Variants in SCAI observed in about 807,000 individuals in gnomAD.
SCAI encodes suppressor of cancer cell invasion, also known as protein SCAI.
A neutral mutation model predicts 92.2 loss-of-function variants in SCAI; 24 were observed. That is an observed-to-expected ratio of 0.26 (90% CI 0.19 to 0.37). SCAI has a LOEUF of 0.37. SCAI is among the 10% of genes least tolerant of loss of function. The pLI, the probability that SCAI is intolerant of heterozygous loss-of-function variation, is 1.00. For missense variants in SCAI, 450 were observed against 736.2 expected (o/e 0.61, Z 4.50); for synonymous variants, 261 against 258.6 (o/e 1.01, Z -0.09).
At chr9:125,119,418 G>T (rs1835114319) in intron 2 of SCAI, among the ~76,000 whole-genome samples, 2 of 151,948 alleles carry the variant, frequency 1.3e-5, no homozygotes, top group Admixed American at 6.6e-5. Flanking sequence ...TTGATTTCTT[G>T]TTTTGTACTG....
At chr9:124,963,743 G>C (rs897942927) in intron 17 of SCAI, among the ~76,000 whole-genome samples, 1 of 109,268 alleles carries the variant, frequency 9.2e-6, no homozygotes, top group African/African-American at 3.5e-5. Context: ...GGGCAACAGA[G>C]TGAGAATCTG....
At chr9:124,977,107 G>A (rs894190659) in intron 14 of SCAI, among the ~76,000 whole-genome samples, 4 of 151,962 alleles carry the variant, frequency 2.6e-5, no homozygotes, top group Admixed American at 6.6e-5. Flanking sequence ...GAGCTCAAGC[G>A]ATCCACCCAC....
At chr9:124,979,572 T>A (rs983560297) in intron 14 of SCAI, among the ~76,000 whole-genome samples, 1 of 152,142 alleles carries the variant, frequency 6.6e-6, no homozygotes, top group African/African-American at 2.4e-5. Context: ...ACTATTTGTT[T>A]TAGTTTGTAT....
At chr9:124,997,259 CAT>C (rs1564371405) in intron 13 of SCAI, among the ~76,000 whole-genome samples, 2 of 152,198 alleles carry the variant, frequency 1.3e-5, no homozygotes, top group Non-Finnish European at 2.9e-5. Flanking sequence ...GTGCACAACA[CAT>C]AGTTTATCCA....
intron 2 of SCAI, among the ~76,000 whole-genome samples, chr9:125,071,626 C>T (rs687654): frequency 0.32 from 48,603 of 151,732 alleles, 8,187 homozygotes; most frequent in East Asian, 0.52. Context: ...CTATCAAATA[C>T]AGAAAAAGAG....
In SCAI at chr9:124,971,914, A is replaced by T. The variant is rs921741541; in HGVS notation, c.1400-70T>A. 9 of 768,960 alleles carry T rather than the reference A, an allele frequency of 1.2e-5. No homozygotes were observed. The African/African-American group carries it at 1.6e-4, about 14-fold the overall frequency. The allele number at this position is 768,960 out of a possible 1,614,324, so 47.6% of individuals were successfully genotyped here. ...AAGATAAGAGATACATATGAGGAAC[A>T]TTTTAATATACTGATAATATATAAA... On this transcript the variant is annotated intron_variant, in intron 15 of 17. Transcript: ENST00000336505.
chr9:125,075,234 A>C (rs979579874), intron 2 of SCAI, among the ~76,000 whole-genome samples: 1 of 152,190 alleles, frequency 6.6e-6, no homozygotes, highest in Admixed American at 6.5e-5. Context: ...GAACTCACAG[A>C]GGCAGAAAAT....
chr9:125,129,459 T>C (rs1835351343), intron 2 of SCAI, among the ~76,000 whole-genome samples: 2 of 80,394 alleles, frequency 2.5e-5, no homozygotes, highest in East Asian at 4.2e-4. Flanking sequence ...AATTTCTTTT[T>C]TTTTTTTTTT....
At chr9:125,129,605 A>G (rs1181781303) in intron 2 of SCAI, among the ~76,000 whole-genome samples, 1 of 150,662 alleles carries the variant, frequency 6.6e-6, no homozygotes, top group Non-Finnish European at 1.5e-5. Flanking sequence ...ATGGGATTAC[A>G]GGCACGTGCC....
intron 2 of SCAI, among the ~76,000 whole-genome samples, chr9:125,061,546 T>C (rs1833768218): frequency 6.6e-6 from 1 of 151,942 alleles, no homozygotes; most frequent in East Asian, 1.9e-4. Context: ...ATCACTTGAG[T>C]CCAGAAGTTA....
chr9:125,113,418 G>A (rs1036238459), intron 2 of SCAI, among the ~76,000 whole-genome samples: 1 of 152,124 alleles, frequency 6.6e-6, no homozygotes, highest in Non-Finnish European at 1.5e-5. Flanking sequence ...AGAGAGGTCT[G>A]AGAAACTGTA....
chr9:125,025,489 A>G (rs1832949371), intron 6 of SCAI, among the ~76,000 whole-genome samples: 1 of 152,238 alleles, frequency 6.6e-6, no homozygotes. Flanking sequence ...TTCTCTGCTT[A>G]TATGTATTTT....
At chr9:125,085,834 G>A (rs1834315356) in intron 2 of SCAI, among the ~76,000 whole-genome samples, 1 of 152,146 alleles carries the variant, frequency 6.6e-6, no homozygotes, top group Non-Finnish European at 1.5e-5. Context: ...GGGTTAAAAT[G>A]TGCCATGATG....
chr9:125,036,197 G>A (rs768348044), intron 3 of SCAI, among the ~76,000 whole-genome samples: 1 of 152,144 alleles, frequency 6.6e-6, no homozygotes, highest in Non-Finnish European at 1.5e-5. Flanking sequence ...ACCGAGAAGA[G>A]TGGTAACGTA....
intron 2 of SCAI, among the ~76,000 whole-genome samples, chr9:125,136,973 G>A (rs1835548814): frequency 6.6e-6 from 1 of 151,326 alleles, no homozygotes; most frequent in African/African-American, 2.4e-5. Flanking sequence ...TGGTCAGGCT[G>A]GTCTTGAACT....
At chr9:125,096,323 GC>G (rs1834551631) in intron 2 of SCAI, among the ~76,000 whole-genome samples, 1 of 152,048 alleles carries the variant, frequency 6.6e-6, no homozygotes, top group Non-Finnish European at 1.5e-5. Context: ...GGAAAAACCT[GC>G]CCCCATGATT....
At chr9:124,989,448 G>A (rs1346390354) in intron 14 of SCAI, among the ~76,000 whole-genome samples, 5 of 152,016 alleles carry the variant, frequency 3.3e-5, no homozygotes, top group Non-Finnish European at 5.9e-5. Flanking sequence ...AGGCGTGGTG[G>A]TGTGCGCCTG....
intron 17 of SCAI, among the ~76,000 whole-genome samples, chr9:124,958,904 C>CAAA (rs10713604): frequency 8.9e-6 from 1 of 111,744 alleles, no homozygotes. Context: ...GACTCAGTCT[C>CAAA]AAAAAAAAAA....
At chr9:124,987,109 T>G (rs1832008946) in intron 14 of SCAI, among the ~76,000 whole-genome samples, 1 of 152,126 alleles carries the variant, frequency 6.6e-6, no homozygotes, top group Non-Finnish European at 1.5e-5. Context: ...CTCGGCTCAC[T>G]GCCTCCCAGG....
Sources: gnomAD v4.1 joint callset for allele counts (sites outside exome capture counted in the v4.1 genomes callset) on GRCh38, gnomAD v4.1.1 for gene constraint, MANE v1.5 for transcripts, NCBI Gene and HGNC (gene_info 2026-07-23, HGNC 2026-07-21) for gene names.